The following SRFBP1 variants were observed in gnomAD, a reference collection of about 807,000 sequenced individuals.
The protein encoded by SRFBP1 is serum response factor-binding protein 1.
In SRFBP1, 47 loss-of-function variants were observed where a neutral mutation model predicts 45.5. The observed-to-expected ratio is 1.03, with a 90% confidence interval of 0.82 to 1.32. SRFBP1 has a LOEUF of 1.32. Among genes scored for constraint, SRFBP1 ranks in the 40% most tolerant of loss-of-function variants. The probability of loss-of-function intolerance (pLI) is 0.00; values close to 1 mark genes in which losing one functional copy is unlikely to be tolerated. For synonymous variants in SRFBP1, 203 were observed against 166.3 expected, an observed-to-expected ratio of 1.22 and a Z score of -1.70; for missense variants, 621 against 484.6, an observed-to-expected ratio of 1.28 and a Z score of -2.64.
intron 1 of SRFBP1, among the ~76,000 whole-genome samples, chr5:121,963,075 A>G (rs1751982785): frequency 6.6e-6 from 1 of 152,212 alleles, no homozygotes; most frequent in Non-Finnish European, 1.5e-5. Context: ...GATCTTGCAC[A>G]GGAATTGCAG....
chr5:122,037,664 T>C (rs1753714456), intron 2 of SRFBP1, among the ~76,000 whole-genome samples: 1 of 151,396 alleles, frequency 6.6e-6, no homozygotes, highest in South Asian at 2.1e-4. Flanking sequence ...CTATTCAGTT[T>C]TTATTTTGTA....
intron 1 of SRFBP1, among the ~76,000 whole-genome samples, chr5:121,971,841 G>A (rs1752206090): frequency 6.6e-6 from 1 of 151,964 alleles, no homozygotes. Context: ...AGAGAAAGTG[G>A]TCAAAAATGT....
intron 2 of SRFBP1, among the ~76,000 whole-genome samples, chr5:122,054,187 C>G (rs1754037383): frequency 6.6e-6 from 1 of 152,200 alleles, no homozygotes; most frequent in South Asian, 2.1e-4. Flanking sequence ...CACAAAACAT[C>G]TGAGTGGCTC....
At chr5:122,050,794 T>C (rs1271148583) in intron 2 of SRFBP1, among the ~76,000 whole-genome samples, 1 of 152,144 alleles carries the variant, frequency 6.6e-6, no homozygotes, top group Non-Finnish European at 1.5e-5. Flanking sequence ...TTCCATAAGC[T>C]TTGGGATTGG....
chr5:122,043,018 C>T (rs548789693), intron 2 of SRFBP1, among the ~76,000 whole-genome samples: 2 of 152,152 alleles, frequency 1.3e-5, no homozygotes, highest in African/African-American at 2.4e-5. Flanking sequence ...GATTTACCCA[C>T]GTTTACCAGT....
At chr5:122,035,038 G>GTT (rs368497001) in intron 2 of SRFBP1, among the ~76,000 whole-genome samples, 7 of 148,652 alleles carry the variant, frequency 4.7e-5, no homozygotes, top group African/African-American at 1.2e-4. Context: ...AGGGATACAG[G>GTT]TTTTTTTTTT....
At position 122,052,300 on chromosome 5, in the gene SRFBP1, A is replaced by T. The variant is rs542901120; in HGVS notation, n.312-23015A>T. On this transcript the variant is annotated intron_variant and non_coding_transcript_variant, in intron 2 of 2. Coordinates refer to the SRFBP1 transcript ENST00000504881. ...GATTTGAATGTTTACCTCTCTAGAG[A>T]GGTGGGGGAAGTTTTCATGCATGAT... Among the ~76,000 whole-genome samples, 69 of 152,092 alleles carry T rather than the reference A, an allele frequency of 4.5e-4. 2 individuals carry two copies. The South Asian group carries it at 0.013, about 29-fold the overall frequency.
intron 4 of SRFBP1, among the ~76,000 whole-genome samples, chr5:122,000,544 A>G (rs1254679765): frequency 6.6e-6 from 1 of 152,002 alleles, no homozygotes; most frequent in Non-Finnish European, 1.5e-5. Context: ...TTTAAAAAAT[A>G]TTTTTACTAA....
intron 2 of SRFBP1, among the ~76,000 whole-genome samples, chr5:122,054,965 A>C (rs1334559891): frequency 1.3e-5 from 2 of 152,220 alleles, no homozygotes; most frequent in Non-Finnish European, 2.9e-5. Flanking sequence ...GACTTATTGA[A>C]GATCACACAG....
chr5:122,027,677 C>T lies in SRFBP1; in HGVS notation c.*551C>T, dbSNP rs1029462732. On this transcript the variant is annotated 3_prime_UTR_variant, in exon 8 of 8. Coordinates refer to ENST00000339397, the MANE Select transcript of SRFBP1 (RefSeq NM_152546.3). ...GAAATCAGCTATTTAAACCAGATCA[C>T]CCTTGTTAAAAATCATTCTTGTTAG... 6.6e-6 allele frequency: 1 copy of T among 151,962 alleles called. No homozygotes were observed. The highest frequency in any genetic ancestry group is 6.6e-5 in the Admixed American group (1 of 15,258). The allele number at this position is 151,962 out of a possible 1,614,324, so 9.4% of individuals were successfully genotyped here.
At chr5:122,021,487 T>C (rs1290562425) in intron 6 of SRFBP1, among the ~76,000 whole-genome samples, 2 of 152,128 alleles carry the variant, frequency 1.3e-5, no homozygotes, top group Non-Finnish European at 2.9e-5. Flanking sequence ...TTTAATGAAA[T>C]AGAAAAATGT....
chr5:121,992,938 G>A (rs916106771), intron 3 of SRFBP1, among the ~76,000 whole-genome samples: 4 of 152,154 alleles, frequency 2.6e-5, no homozygotes, highest in South Asian at 2.1e-4. Flanking sequence ...ATTGCTATGA[G>A]TAATAAATTG....
In SRFBP1 at chr5:122,027,243, C is replaced by G. The variant is rs1753502145; in HGVS notation, c.*117C>G. Reference sequence around the variant, plus strand: ...TATTGCAATCACAGCTCACTGCAGCCTCAAACTCCTGGGCTCAAGTGATCC... The same window carrying G: ...TATTGCAATCACAGCTCACTGCAGCGTCAAACTCCTGGGCTCAAGTGATCC... On this transcript the variant is annotated 3_prime_UTR_variant, in exon 8 of 8. Coordinates refer to ENST00000339397, the MANE Select transcript of SRFBP1 (RefSeq NM_152546.3). 3.7e-6 allele frequency: 3 copies of G among 810,882 alleles called. No individual in the cohort carries two copies. The highest frequency in any genetic ancestry group is 5.6e-6 in the Non-Finnish European group (3 of 531,894). The allele number at this position is 810,882 out of a possible 1,614,324, so 50.2% of individuals were successfully genotyped here. A position where few individuals can be genotyped will look rare whatever the true frequency, so the allele number is the denominator to read the frequency against.
At chr5:122,026,015 G>C (rs1753471660) in intron 7 of SRFBP1, among the ~76,000 whole-genome samples, 2 of 152,130 alleles carry the variant, frequency 1.3e-5, no homozygotes, top group South Asian at 4.1e-4. Flanking sequence ...GCTTGAACCT[G>C]GGAGGTGGAG....
chr5:122,053,512 A>T (rs1214658139), intron 2 of SRFBP1, among the ~76,000 whole-genome samples: 1 of 152,022 alleles, frequency 6.6e-6, no homozygotes, highest in Non-Finnish European at 1.5e-5. Context: ...AAGCTCTAGC[A>T]GGCATTGCCT....
downstream of SRFBP1, chr5:122,077,918 G>GGGGCGCA: frequency 6.6e-7 from 1 of 1,517,692 alleles, no homozygotes. The surrounding 1 kb of genome is among the most constrained non-coding windows in gnomAD (Gnocchi z 4.9). Context: ...GGCGGCGGGA[G>GGGGCGCA]GGGCGCAGTG....
chr5:121,963,909 T>A (rs1752005793), intron 1 of SRFBP1, among the ~76,000 whole-genome samples: 1 of 150,606 alleles, frequency 6.6e-6, no homozygotes, highest in East Asian at 2.0e-4. Flanking sequence ...AAAAATTGAA[T>A]AACCTACCAA....
At position 122,045,496 on chromosome 5, in the gene SRFBP1, G is replaced by GT. The variant is rs569867901; in HGVS notation, n.311+23094dup. ...TTCTTTCTATCCATGAGCATGGAAT[G>GT]TTTTTCCATATGTTTGTGTCATCTC... On this transcript the variant is annotated intron_variant and non_coding_transcript_variant, in intron 2 of 2. Coordinates refer to the SRFBP1 transcript ENST00000504881. Among the ~76,000 whole-genome samples, 483 of 152,240 alleles carry GT rather than the reference G, an allele frequency of 3.2e-3. 1 individual carries two copies. Among genetic ancestry groups the GT allele is most frequent in the Non-Finnish European group, 5.5e-3 (374 of 68,012 alleles).
At chr5:121,984,924 T>A (rs961437525) in intron 3 of SRFBP1, among the ~76,000 whole-genome samples, 1 of 151,830 alleles carries the variant, frequency 6.6e-6, no homozygotes, top group Admixed American at 6.6e-5. Context: ...GACAGAAGTT[T>A]TACCTGATAT....
Sources: gnomAD v4.1 joint callset for allele counts (sites outside exome capture counted in the v4.1 genomes callset) on GRCh38, gnomAD v4.1.1 for gene constraint, Gnocchi (gnomAD v3.1) non-coding constraint, MANE v1.5 for transcripts, NCBI Gene and HGNC (gene_info 2026-07-23, HGNC 2026-07-21) for gene names.